The following GTF2F2 variants were observed in gnomAD, a reference collection of about 807,000 sequenced individuals.
GTF2F2 encodes ATP-dependent helicase GTF2F2.
GTF2F2 carries 23 observed loss-of-function variants against 42.2 expected under a neutral mutation model. That is an observed-to-expected ratio of 0.55 (90% CI 0.39 to 0.77). The LOEUF is 0.77. Ranked by LOEUF, GTF2F2 falls within the 30% of genes least tolerant of loss-of-function variation. The pLI, the probability that GTF2F2 is intolerant of heterozygous loss-of-function variation, is 0.00. For missense variants in GTF2F2, 261 were observed against 287.2 expected (o/e 0.91, Z 0.66); for synonymous variants, 105 against 100.8 (o/e 1.04, Z -0.25).
intron 4 of GTF2F2, among the ~76,000 whole-genome samples, chr13:45,199,151 C>T (rs188201568): frequency 5.9e-5 from 9 of 152,306 alleles, no homozygotes; most frequent in South Asian, 2.1e-4. Flanking sequence ...GCCACAAGGT[C>T]GTGTGAACAT....
chr13:45,138,369 G>A (rs934595949), intron 2 of GTF2F2, among the ~76,000 whole-genome samples: 1 of 152,166 alleles, frequency 6.6e-6, no homozygotes, highest in African/African-American at 2.4e-5. Flanking sequence ...TGTGTTCCAT[G>A]CCCTGGCTGT....
chr13:45,134,214 G>A (rs568333158), intron 1 of GTF2F2, among the ~76,000 whole-genome samples: 3 of 152,206 alleles, frequency 2.0e-5, no homozygotes, highest in South Asian at 4.2e-4. Flanking sequence ...CTACCCTTCC[G>A]CAAAGATGTC....
chr13:45,246,278 T>C (rs1379858499), intron 5 of GTF2F2, among the ~76,000 whole-genome samples: 11 of 152,146 alleles, frequency 7.2e-5, no homozygotes, highest in Non-Finnish European at 1.6e-4. Flanking sequence ...TCCAAAGTGC[T>C]GGGATTACAG....
intron 4 of GTF2F2, among the ~76,000 whole-genome samples, chr13:45,198,019 C>G (rs1029620747): frequency 1.3e-5 from 2 of 152,236 alleles, no homozygotes; most frequent in Non-Finnish European, 2.9e-5. Flanking sequence ...GTTTCCTACT[C>G]AGTACCTTAA....
chr13:45,144,692 C>T lies in GTF2F2; in HGVS notation c.141-5078C>T, dbSNP rs544859733. 2.3e-4 allele frequency among the ~76,000 whole-genome samples: 35 copies of T among 152,046 alleles called. 1 individual carries two copies. In the South Asian group the frequency reaches 6.9e-3, roughly 30 times the overall value. The stretch of plus-strand genomic sequence containing the variant: ...TCCTGACCTCGTGATCCACCCGCCT[C>T]GGCCTCCCAAAGTGCTTATTTCTAG... On this transcript the variant is annotated intron_variant, in intron 2 of 7. Transcript: ENST00000340473.
chr13:45,211,623 C>T (rs190855352), intron 5 of GTF2F2, among the ~76,000 whole-genome samples: 90 of 145,924 alleles, frequency 6.2e-4, no homozygotes, highest in Non-Finnish European at 1.1e-3. Flanking sequence ...GTTTTGCTCT[C>T]GTTGCCCAGG....
At chr13:45,165,130 T>A in intron 4 of GTF2F2, among the ~76,000 whole-genome samples, 1 of 151,686 alleles carries the variant, frequency 6.6e-6, no homozygotes, top group South Asian at 2.1e-4. Context: ...GGATGCAGAA[T>A]CAATTTGTGA....
At chr13:45,163,342 G>A (rs1181776281) in intron 4 of GTF2F2, among the ~76,000 whole-genome samples, 4 of 151,812 alleles carry the variant, frequency 2.6e-5, no homozygotes, top group Admixed American at 6.6e-5. Flanking sequence ...TTACTTCAGC[G>A]TGGGCAACAT....
chr13:45,224,676 A>G (rs1369941013), intron 5 of GTF2F2, among the ~76,000 whole-genome samples: 1 of 152,258 alleles, frequency 6.6e-6, no homozygotes, highest in Non-Finnish European at 1.5e-5. Context: ...AGTATTGCTA[A>G]TTAAATTTCC....
chr13:45,198,898 G>T (rs1873036935), intron 4 of GTF2F2, among the ~76,000 whole-genome samples: 1 of 152,082 alleles, frequency 6.6e-6, no homozygotes, highest in Non-Finnish European at 1.5e-5. Context: ...AAATTACACT[G>T]TCTAATTATT....
intron 4 of GTF2F2, among the ~76,000 whole-genome samples, chr13:45,160,524 G>A (rs537455748): frequency 1.3e-3 from 194 of 152,224 alleles, no homozygotes; most frequent in African/African-American, 4.5e-3. Context: ...TGATTTTGTA[G>A]CATCATACAT....
intron 1 of GTF2F2, among the ~76,000 whole-genome samples, chr13:45,135,441 G>A (rs921692024): frequency 7.9e-5 from 12 of 151,018 alleles, no homozygotes; most frequent in African/African-American, 2.5e-4. Context: ...TGTATTCTTA[G>A]TAGAGGTGGG....
chr13:45,194,637 A>G, intron 4 of GTF2F2: 3 of 1,354,870 alleles, frequency 2.2e-6, no homozygotes, highest in Non-Finnish European at 3.1e-6. Context: ...ACTACCACAC[A>G]AGCACGCCTT....
intron 5 of GTF2F2, among the ~76,000 whole-genome samples, chr13:45,247,038 CAAAAA>C (rs752175151): frequency 1.4e-5 from 1 of 69,730 alleles, no homozygotes; most frequent in Non-Finnish European, 2.9e-5. Context: ...GACTCTGTCT[CAAAAA>C]AAAAAAAAAA....
intron 4 of GTF2F2, among the ~76,000 whole-genome samples, chr13:45,192,054 C>T (rs1462896036): frequency 2.0e-5 from 3 of 151,952 alleles, no homozygotes; most frequent in Admixed American, 2.0e-4. Context: ...GTCCAAATGC[C>T]AAGGAAAAGT....
intron 4 of GTF2F2, among the ~76,000 whole-genome samples, chr13:45,156,950 G>T (rs971871722): frequency 6.6e-5 from 10 of 152,148 alleles, no homozygotes; most frequent in East Asian, 1.9e-4. Context: ...AGCCCTTGTG[G>T]TGCTTACATT....
At chr13:45,154,559 CTA>C (rs1391168233) in intron 4 of GTF2F2, among the ~76,000 whole-genome samples, 1 of 152,154 alleles carries the variant, frequency 6.6e-6, no homozygotes. Flanking sequence ...TTATAATACA[CTA>C]TAACAATTTT....
intron 5 of GTF2F2, among the ~76,000 whole-genome samples, chr13:45,227,472 A>G (rs1013109143): frequency 6.6e-6 from 1 of 152,262 alleles, no homozygotes; most frequent in African/African-American, 2.4e-5. Flanking sequence ...AGACATATAC[A>G]TATGTGAAAA....
intron 5 of GTF2F2, 80 bp from the exon 6 acceptor site, chr13:45,252,791 T>C: frequency 1.5e-6 from 1 of 658,626 alleles, no homozygotes; most frequent in African/African-American, 2.0e-5. Context: ...TTTCATTGAA[T>C]AAGAATTATA....
Sources: gnomAD v4.1 joint callset for allele counts (sites outside exome capture counted in the v4.1 genomes callset) on GRCh38, gnomAD v4.1.1 for gene constraint, MANE v1.5 for transcripts, NCBI Gene and HGNC (gene_info 2026-07-23, HGNC 2026-07-21) for gene names.